Variants in IGSF21 observed in about 807,000 individuals in gnomAD.
IGSF21 encodes immunoglobin superfamily member 21, also known as immunoglobulin superfamily member 21.
A neutral mutation model predicts 46.8 loss-of-function variants in IGSF21; 28 were observed. That is an observed-to-expected ratio of 0.60 (90% CI 0.44 to 0.82). IGSF21 has a LOEUF of 0.82. IGSF21 is among the 40% of genes least tolerant of loss of function. IGSF21 has a pLI of 0.00. For missense variants in IGSF21, 624 were observed against 665.5 expected, an observed-to-expected ratio of 0.94 and a Z score of 0.69; for synonymous variants, 284 against 273.6, an observed-to-expected ratio of 1.04 and a Z score of -0.38.
At chr1:18,326,967 G>T (rs2085663615) in intron 3 of IGSF21, among the ~76,000 whole-genome samples, 1 of 152,206 alleles carries the variant, frequency 6.6e-6, no homozygotes, top group Admixed American at 6.5e-5. Flanking sequence ...AGACAGTGGG[G>T]TGGAGGCGAG....
At position 18,290,966 on chromosome 1, in the gene IGSF21, G is replaced by T. The variant is rs1242382071; in HGVS notation, c.184-900G>T. Among the ~76,000 whole-genome samples the T allele has an allele frequency of 6.6e-6, 1 of 152,198 alleles. No homozygotes were observed. The highest frequency in any genetic ancestry group is 1.9e-4 in the East Asian group (1 of 5,174). Reference sequence around the variant, plus strand: ...CCAGCTGAGCTGCGAGAGGCTGCAAGCTCCCAGTCTATAATAGAGTTGCTG... The same window carrying T: ...CCAGCTGAGCTGCGAGAGGCTGCAATCTCCCAGTCTATAATAGAGTTGCTG... On this transcript the variant is annotated intron_variant, in intron 2 of 9. Transcript: ENST00000251296. The surrounding 1 kb of genome is among the most constrained non-coding windows in gnomAD (Gnocchi z 4.2).
At chr1:18,307,460 G>A (rs942104517) in intron 3 of IGSF21, among the ~76,000 whole-genome samples, 1 of 152,212 alleles carries the variant, frequency 6.6e-6, no homozygotes, top group Non-Finnish European at 1.5e-5. Context: ...CAACGAAGCA[G>A]GTCCTGTTAT....
In IGSF21 at chr1:18,169,598, T is replaced by A. The variant is rs2124456624; in HGVS notation, c.71-58300T>A. Among the ~76,000 whole-genome samples the A allele has an allele frequency of 2.6e-5, 4 of 152,276 alleles. 1 individual carries two copies. In the South Asian group the frequency reaches 8.3e-4, roughly 32 times the overall value. On this transcript the variant is annotated intron_variant, in intron 1 of 9. Transcript: ENST00000251296. ...GCACAGGTGGCCGAGTTAGCGAGTG[T>A]CTTTGCTGATGGCTGAAGCCCCCTG...
intron 4 of IGSF21, among the ~76,000 whole-genome samples, chr1:18,356,881 G>A (rs145190596): frequency 1.2e-4 from 18 of 152,204 alleles, no homozygotes; most frequent in Middle Eastern, 3.4e-3. Context: ...TGGAGTTGAA[G>A]TTGGTCGTGA....
intron 1 of IGSF21, among the ~76,000 whole-genome samples, chr1:18,124,674 A>AGT (rs1489473228): frequency 6.6e-6 from 1 of 152,176 alleles, no homozygotes; most frequent in African/African-American, 2.4e-5. Context: ...CTGCCTCGGC[A>AGT]GTCACTGGAT....
At chr1:18,159,547 C>T (rs549052389) in intron 1 of IGSF21, among the ~76,000 whole-genome samples, 1 of 152,166 alleles carries the variant, frequency 6.6e-6, no homozygotes, top group Non-Finnish European at 1.5e-5. Flanking sequence ...AACTCTTTTG[C>T]TTGGTTCTTG....
chr1:18,131,483 C>T (rs2086321415), intron 1 of IGSF21, among the ~76,000 whole-genome samples: 1 of 152,218 alleles, frequency 6.6e-6, no homozygotes, highest in Admixed American at 6.5e-5. Flanking sequence ...TTAATTGCTA[C>T]ATGTAATTGT....
At chr1:18,156,779 G>C (rs568021004) in intron 1 of IGSF21, among the ~76,000 whole-genome samples, 3 of 152,208 alleles carry the variant, frequency 2.0e-5, no homozygotes, top group East Asian at 3.8e-4. Flanking sequence ...GCAGGTGACC[G>C]GGCAGGGTGC....
chr1:18,273,767 C>T lies in IGSF21; in HGVS notation c.184-18099C>T, dbSNP rs190834292. ...CTAGACTCTTGAACTTCCTCTCTCC[C>T]AAAGGAAATAAACCAGGCCTCCTGC... On this transcript the variant is annotated intron_variant, in intron 2 of 9. Transcript: ENST00000251296. 2.0e-5 allele frequency among the ~76,000 whole-genome samples: 3 copies of T among 151,900 alleles called. No homozygotes were observed. The East Asian group carries it at 5.8e-4, about 29-fold the overall frequency.
intron 1 of IGSF21, among the ~76,000 whole-genome samples, chr1:18,194,655 T>C (rs1351012557): frequency 1.3e-5 from 2 of 152,190 alleles, no homozygotes; most frequent in Non-Finnish European, 1.5e-5. Context: ...CTCACCCTCA[T>C]CCAGTATGAC....
chr1:18,192,023 C>G (rs1386828598), intron 1 of IGSF21, among the ~76,000 whole-genome samples: 1 of 152,140 alleles, frequency 6.6e-6, no homozygotes, highest in Admixed American at 6.5e-5. Flanking sequence ...GGCTGCCACG[C>G]TCTGTCATGC....
At chr1:18,297,922 A>C (rs1365517029) in intron 3 of IGSF21, among the ~76,000 whole-genome samples, 4 of 152,154 alleles carry the variant, frequency 2.6e-5, no homozygotes, top group Admixed American at 2.6e-4. Flanking sequence ...GGTGAGAATA[A>C]TGGAGTGAGG....
intron 3 of IGSF21, among the ~76,000 whole-genome samples, chr1:18,310,474 T>C (rs1049726551): frequency 6.6e-6 from 1 of 152,272 alleles, no homozygotes; most frequent in African/African-American, 2.4e-5. Flanking sequence ...GTGGACCTTA[T>C]TAGTTTATTT....
chr1:18,277,787 C>T (rs1236869823), intron 2 of IGSF21, among the ~76,000 whole-genome samples: 3 of 152,098 alleles, frequency 2.0e-5, no homozygotes, highest in Admixed American at 1.3e-4. Context: ...ATCTACGTAC[C>T]GTATAATTCG....
chr1:18,265,553 G>A (rs879929642), intron 2 of IGSF21, among the ~76,000 whole-genome samples: 4 of 152,122 alleles, frequency 2.6e-5, no homozygotes, highest in Non-Finnish European at 5.9e-5. Flanking sequence ...CTGCATCCTT[G>A]GGGAGCCCCT....
chr1:18,192,687 C>T (rs751885338), intron 1 of IGSF21, among the ~76,000 whole-genome samples: 6 of 151,962 alleles, frequency 3.9e-5, no homozygotes, highest in Non-Finnish European at 8.8e-5. Context: ...ATCAGAAGGC[C>T]TGGGTTGGCA....
chr1:18,187,821 G>A lies in IGSF21; in HGVS notation c.71-40077G>A, dbSNP rs532689068. ...TGGGGGAGACATAAACATTGAGTAC[G>A]TAACAGGCAGTTATGTTCCTCTCTG... On this transcript the variant is annotated intron_variant, in intron 1 of 9. Coordinates refer to ENST00000251296, the MANE Select transcript of IGSF21 (RefSeq NM_032880.5). 6.6e-5 allele frequency among the ~76,000 whole-genome samples: 10 copies of A among 152,134 alleles called. 1 individual carries two copies. The highest frequency in any genetic ancestry group is 1.5e-4 in the Non-Finnish European group (10 of 68,034).
chr1:18,151,922 CTG>C (rs2086525131), intron 1 of IGSF21, among the ~76,000 whole-genome samples: 1 of 152,178 alleles, frequency 6.6e-6, no homozygotes, highest in Non-Finnish European at 1.5e-5. Context: ...CCTCTGAACA[CTG>C]GGTTTCAAGC....
At chr1:18,185,067 T>C (rs965447544) in intron 1 of IGSF21, among the ~76,000 whole-genome samples, 2 of 152,234 alleles carry the variant, frequency 1.3e-5, no homozygotes, top group Non-Finnish European at 2.9e-5. Flanking sequence ...TTGTAAGTCA[T>C]AATTACTCAT....
Sources: allele counts gnomAD v4.1 joint callset (sites outside exome capture counted in the v4.1 genomes callset), GRCh38; gene constraint gnomAD v4.1.1; non-coding constraint Gnocchi (gnomAD v3.1); transcripts MANE v1.5; gene names NCBI Gene and HGNC (gene_info 2026-07-23, HGNC 2026-07-21).